SDK2: variants seen among roughly 807,000 people sequenced by gnomAD.
The protein encoded by SDK2 is sidekick cell adhesion molecule 2.
SDK2 carries 105 observed loss-of-function variants against 253.9 expected under a neutral mutation model. The ratio of observed to expected loss-of-function variants is 0.41; its 90% CI spans 0.35 to 0.49. The LOEUF is 0.49. Among genes scored for constraint, SDK2 ranks in the 20% least tolerant of loss-of-function variants. SDK2 has a pLI of 0.06. For synonymous variants in SDK2, 1,249 were observed against 1,234.9 expected, an observed-to-expected ratio of 1.01 and a Z score of -0.24; for missense variants, 2,608 against 3,003.0, an observed-to-expected ratio of 0.87 and a Z score of 3.07.
chr17:73,415,707 T>C (rs561066737), intron 17 of SDK2, 104 bp downstream of exon 17: 5 of 1,084,240 alleles, frequency 4.6e-6, no homozygotes, highest in Non-Finnish European at 6.6e-6. Flanking sequence ...CAGGCTGGCT[T>C]AAAACTCCTG....
chr17:73,365,295 G>A lies in SDK2; in HGVS notation c.5268C>T (p.Gly1756=). 6.2e-7 allele frequency: 1 copy of A among 1,613,102 alleles called. No homozygotes were observed. The highest frequency in any genetic ancestry group is 1.1e-5 in the South Asian group (1 of 90,918). Residue 1756 remains glycine, a synonymous_variant, in exon 38 of 45, where the codon GGC becomes GGT. Transcript: ENST00000392650. ...APQFPNGILE[G]YRLVYEPCSP... ...TGCAGGGCTCGTACACCAGCCTGTA[G>A]CCCTCCAGGATGCCATTGGGGAACT...
chr17:73,559,622 A>G (rs985644509), intron 1 of SDK2, among the ~76,000 whole-genome samples: 9 of 67,368 alleles, frequency 1.3e-4, no homozygotes, highest in Non-Finnish European at 1.9e-4. Flanking sequence ...CCACCATACC[A>G]CACATGTCAC....
chr17:73,589,587 G>T (rs574581927), intron 1 of SDK2, among the ~76,000 whole-genome samples: 2 of 152,196 alleles, frequency 1.3e-5, no homozygotes. Flanking sequence ...TACTGGCTCC[G>T]CAGCCTTAGG....
At chr17:73,529,689 A>G (rs1400389248) in intron 1 of SDK2, among the ~76,000 whole-genome samples, 1 of 152,136 alleles carries the variant, frequency 6.6e-6, no homozygotes, top group Non-Finnish European at 1.5e-5. Context: ...TGGGAAGACA[A>G]AGGCAGAGAT....
At chr17:73,377,100 T>C (rs1426190698) in intron 36 of SDK2, among the ~76,000 whole-genome samples, 1 of 149,258 alleles carries the variant, frequency 6.7e-6, no homozygotes, top group African/African-American at 2.5e-5. Flanking sequence ...GGCTCTTCTC[T>C]GGAGTAACAA....
Position 73,435,718 on chromosome 17 carries a change from A to G in SDK2, c.1001-74T>C. The G allele has an allele frequency of 7.2e-7, 1 of 1,384,444 alleles. No homozygotes were observed. Among genetic ancestry groups the G allele is most frequent in the Non-Finnish European group, 9.6e-7 (1 of 1,037,650 alleles). The allele number at this position is 1,384,444 out of a possible 1,614,324, so 85.8% of individuals were successfully genotyped here. A position where few individuals can be genotyped will look rare whatever the true frequency, so the allele number is the denominator to read the frequency against. Reference sequence around the variant, plus strand: ...CCGCCTAGGAGGGGTGCTTGGGAGGAGGCCGGGCCCGGAAATCTGCGAGGG... The same window carrying G: ...CCGCCTAGGAGGGGTGCTTGGGAGGGGGCCGGGCCCGGAAATCTGCGAGGG... On this transcript the variant is annotated intron_variant, in intron 8 of 44. Coordinates refer to ENST00000392650, the MANE Select transcript of SDK2 (RefSeq NM_001144952.2). This position sits in a 1 kb window ranked among gnomAD's most constrained non-coding sequence, Gnocchi z 5.7.
At chr17:73,503,072 C>T (rs184838944) in intron 2 of SDK2, among the ~76,000 whole-genome samples, 78 of 152,260 alleles carry the variant, frequency 5.1e-4, no homozygotes, top group African/African-American at 1.5e-3. Flanking sequence ...TTCTGCAAAG[C>T]CGGCTGGACT....
At chr17:73,340,897 C>T (rs2062430947) in intron 44 of SDK2, among the ~76,000 whole-genome samples, 1 of 151,756 alleles carries the variant, frequency 6.6e-6, no homozygotes, top group African/African-American at 2.4e-5. Flanking sequence ...GCATGTGCCA[C>T]CACATCTGGC....
intron 1 of SDK2, among the ~76,000 whole-genome samples, chr17:73,562,382 A>AC (rs113634664): frequency 0.02 from 3,072 of 152,180 alleles, 92 homozygotes; most frequent in African/African-American, 0.069. Flanking sequence ...TTTTGGGAGC[A>AC]CCCCCCTAAG....
chr17:73,378,718 C>G (rs1350124068), intron 36 of SDK2, among the ~76,000 whole-genome samples: 1 of 152,168 alleles, frequency 6.6e-6, no homozygotes, highest in Non-Finnish European at 1.5e-5. Context: ...CCGCGCCCAG[C>G]CTAGAAATGA....
At chr17:73,547,684 G>C (rs145194363) in intron 1 of SDK2, among the ~76,000 whole-genome samples, 20 of 152,198 alleles carry the variant, frequency 1.3e-4, no homozygotes, top group Admixed American at 6.5e-4. Flanking sequence ...AAGGGAGGGA[G>C]GGCAAAGGAA....
chr17:73,506,837 C>G (rs370238176), intron 2 of SDK2, among the ~76,000 whole-genome samples: 20 of 152,246 alleles, frequency 1.3e-4, no homozygotes, highest in African/African-American at 4.6e-4. Context: ...ACCCTATTCT[C>G]TTTCCCTGCT....
At chr17:73,600,537 C>T (rs1310237024) in intron 1 of SDK2, among the ~76,000 whole-genome samples, 1 of 152,110 alleles carries the variant, frequency 6.6e-6, no homozygotes, top group Non-Finnish European at 1.5e-5. Flanking sequence ...AGAGCCTCAC[C>T]TGCTCTGGTC....
At chr17:73,340,733 A>ATTTTT (rs1555747269) in intron 44 of SDK2, among the ~76,000 whole-genome samples, 10 of 54,068 alleles carry the variant, frequency 1.8e-4, no homozygotes, top group Non-Finnish European at 3.1e-4. Flanking sequence ...AAAACCTTAA[A>ATTTTT]GTTTTTTTTT....
chr17:73,575,627 G>A (rs1401451559), intron 1 of SDK2, among the ~76,000 whole-genome samples: 1 of 152,212 alleles, frequency 6.6e-6, no homozygotes, highest in Non-Finnish European at 1.5e-5. Flanking sequence ...GTGGTGATCA[G>A]GATTAAACGA....
chr17:73,370,019 G>T (rs562259729), intron 36 of SDK2, among the ~76,000 whole-genome samples: 2 of 152,178 alleles, frequency 1.3e-5, no homozygotes, highest in African/African-American at 4.8e-5. Flanking sequence ...TCCAGATAGC[G>T]GCCAGCTGGG....
intron 30 of SDK2, among the ~76,000 whole-genome samples, chr17:73,386,793 C>A (rs2062876247): frequency 6.6e-6 from 1 of 152,218 alleles, no homozygotes; most frequent in African/African-American, 2.4e-5. Context: ...CTTGGGGTGC[C>A]TTTAGCCCCA....
chr17:73,469,162 G>A (rs1419109405), intron 3 of SDK2, among the ~76,000 whole-genome samples: 1 of 152,164 alleles, frequency 6.6e-6, no homozygotes, highest in East Asian at 1.9e-4. Context: ...CTGTCATGGT[G>A]ATGAGCCCCC....
At chr17:73,380,107 C>A (rs751168996) in intron 34 of SDK2, among the ~76,000 whole-genome samples, 2 of 152,150 alleles carry the variant, frequency 1.3e-5, no homozygotes, top group African/African-American at 4.8e-5. Context: ...AAGAAACGGG[C>A]GCAGTCACTG....
Sources: allele counts gnomAD v4.1 joint callset (sites outside exome capture counted in the v4.1 genomes callset), GRCh38; gene constraint gnomAD v4.1.1; non-coding constraint Gnocchi (gnomAD v3.1); transcripts MANE v1.5; gene names NCBI Gene and HGNC (gene_info 2026-07-23, HGNC 2026-07-21).